The following VPS45 variants were observed in gnomAD, a reference collection of about 807,000 sequenced individuals.
VPS45 encodes the protein vacuolar protein sorting 45 homolog, also known as vacuolar protein sorting-associated protein 45.
In VPS45, 35 loss-of-function variants were observed where a neutral mutation model predicts 75.9. That is an observed-to-expected ratio of 0.46 (90% CI 0.35 to 0.61). The LOEUF (loss-of-function observed/expected upper bound fraction) is 0.61, where lower values mean the gene tolerates loss of function less well. Among genes scored for constraint, VPS45 ranks in the 20% least tolerant of loss-of-function variants. VPS45 has a pLI of 0.00. For missense variants in VPS45, 559 were observed against 685.9 expected (o/e 0.81, Z 2.07); for synonymous variants, 220 against 238.2 (o/e 0.92, Z 0.70).
At chr1:150,067,756 C>T (rs1654801388), upstream of VPS45, 3 of 1,222,398 alleles carry the variant, frequency 2.5e-6, no homozygotes, top group Admixed American at 3.8e-5. Flanking sequence ...AAGCCGAATC[C>T]CGGCTGGGAG....
At chr1:150,139,611 G>T (rs1485728582) in intron 14 of VPS45, among the ~76,000 whole-genome samples, 1 of 152,124 alleles carries the variant, frequency 6.6e-6, no homozygotes, top group African/African-American at 2.4e-5. Flanking sequence ...GCAATGGGAT[G>T]ATCATAGCTC....
At chr1:150,112,848 G>T (rs1455657378) in intron 14 of VPS45, among the ~76,000 whole-genome samples, 1 of 152,070 alleles carries the variant, frequency 6.6e-6, no homozygotes, top group Non-Finnish European at 1.5e-5. Context: ...CCACTTTACT[G>T]CATTTGCCAG....
At chr1:150,119,903 G>A (rs903657446) in intron 14 of VPS45, among the ~76,000 whole-genome samples, 2 of 152,174 alleles carry the variant, frequency 1.3e-5, no homozygotes, top group African/African-American at 4.8e-5. Context: ...GAGGTCGGGA[G>A]TTCGAGACCA....
At chr1:150,070,792 A>G (rs1655020911) in intron 2 of VPS45, among the ~76,000 whole-genome samples, 1 of 152,004 alleles carries the variant, frequency 6.6e-6, no homozygotes, top group African/African-American at 2.4e-5. Context: ...CTGGCGACAG[A>G]GCAAGACTCC....
At chr1:150,137,618 A>G (rs1571919986) in intron 14 of VPS45, among the ~76,000 whole-genome samples, 1 of 152,190 alleles carries the variant, frequency 6.6e-6, no homozygotes, top group African/African-American at 2.4e-5. Flanking sequence ...ATAGAAGCAT[A>G]GAAATATCCT....
At chr1:150,140,308 G>T (rs1659317757) in intron 14 of VPS45, among the ~76,000 whole-genome samples, 1 of 151,826 alleles carries the variant, frequency 6.6e-6, no homozygotes, top group African/African-American at 2.4e-5. Flanking sequence ...ATATTACAAA[G>T]AGGCAGTATA....
intron 14 of VPS45, among the ~76,000 whole-genome samples, chr1:150,121,703 G>A (rs782592840): frequency 1.3e-5 from 2 of 152,240 alleles, no homozygotes; most frequent in South Asian, 4.1e-4. Flanking sequence ...TTCTAGTTAT[G>A]AGTTCTGTAA....
intron 13 of VPS45, among the ~76,000 whole-genome samples, chr1:150,104,856 G>T (rs587616851): frequency 6.6e-6 from 1 of 152,204 alleles, no homozygotes; most frequent in Non-Finnish European, 1.5e-5. Flanking sequence ...GCCTCCCAAA[G>T]TGCTGGAATT....
intron 2 of VPS45, among the ~76,000 whole-genome samples, chr1:150,069,435 G>A (rs1305058704): frequency 1.4e-5 from 2 of 137,940 alleles, no homozygotes; most frequent in Non-Finnish European, 3.1e-5. Context: ...AAAAGCCTTT[G>A]CTATTTTAAT....
intron 14 of VPS45, among the ~76,000 whole-genome samples, chr1:150,119,756 T>G (rs1161456407): frequency 6.6e-6 from 1 of 152,200 alleles, no homozygotes; most frequent in Non-Finnish European, 1.5e-5. Context: ...GAATAGGAAA[T>G]GTCTATTGTG....
intron 3 of VPS45, among the ~76,000 whole-genome samples, chr1:150,074,707 A>G (rs1655272506): frequency 6.6e-6 from 1 of 152,194 alleles, no homozygotes; most frequent in Admixed American, 6.5e-5. Context: ...ATACAAAAGT[A>G]GAATAGTATC....
chr1:150,076,839 T>C (rs1655412608), intron 4 of VPS45, 77 bp from the exon 5 acceptor site: 2 of 1,446,962 alleles, frequency 1.4e-6, no homozygotes, highest in Non-Finnish European at 1.9e-6. Flanking sequence ...TATATCATAT[T>C]ATATCACTTA....
intron 13 of VPS45, among the ~76,000 whole-genome samples, chr1:150,107,270 G>A (rs1167192964): frequency 2.6e-5 from 4 of 152,212 alleles, no homozygotes; most frequent in Non-Finnish European, 5.9e-5. Context: ...TATTCCACAG[G>A]TATCTAAAAC....
chr1:150,101,278 A>AAT (rs1462391846), intron 13 of VPS45, among the ~76,000 whole-genome samples: 1 of 151,620 alleles, frequency 6.6e-6, no homozygotes, highest in Non-Finnish European at 1.5e-5. Context: ...CAAAAAAAAA[A>AAT]AAAAGTGGGC....
intron 14 of VPS45, among the ~76,000 whole-genome samples, chr1:150,130,030 C>A (rs1427851588): frequency 6.6e-6 from 1 of 151,676 alleles, no homozygotes; most frequent in African/African-American, 2.4e-5. Context: ...TCTAATCTAT[C>A]TATCTATCTA....
At chr1:150,085,590 T>G (rs1251918726) in intron 10 of VPS45, among the ~76,000 whole-genome samples, 1 of 152,078 alleles carries the variant, frequency 6.6e-6, no homozygotes, top group African/African-American at 2.4e-5. Flanking sequence ...ATCTTTTGTT[T>G]GATAGTAAGT....
At chr1:150,120,062 C>G (rs142345665) in intron 14 of VPS45, among the ~76,000 whole-genome samples, 4 of 152,082 alleles carry the variant, frequency 2.6e-5, no homozygotes, top group African/African-American at 9.7e-5. Flanking sequence ...GAGCTGAGAT[C>G]GCGCCATCGC....
At chr1:150,073,399 T>C (rs1198796918) in intron 3 of VPS45, among the ~76,000 whole-genome samples, 1 of 152,176 alleles carries the variant, frequency 6.6e-6, no homozygotes, top group Non-Finnish European at 1.5e-5. Flanking sequence ...AAAGACTATA[T>C]ATATATAAGA....
chr1:150,137,915 CAA>C (rs61104098), intron 14 of VPS45, among the ~76,000 whole-genome samples: 8 of 92,444 alleles, frequency 8.7e-5, no homozygotes, highest in Admixed American at 4.4e-4. Context: ...ACTCCGTCTC[CAA>C]AAAAAAAAAA....
Sources: allele counts gnomAD v4.1 joint callset (sites outside exome capture counted in the v4.1 genomes callset), GRCh38; gene constraint gnomAD v4.1.1; transcripts MANE v1.5; gene names NCBI Gene and HGNC (gene_info 2026-07-23, HGNC 2026-07-21).